The following AIRE variants were observed in gnomAD, a reference collection of about 807,000 sequenced individuals.
AIRE encodes the protein autoimmune regulator, also known as autoimmune polyendocrinopathy candidiasis ectodermal dystrophy protein.
Under a neutral mutation model 62.1 loss-of-function variants are expected in AIRE, and 52 were observed. The ratio of observed to expected loss-of-function variants is 0.84; its 90% CI spans 0.67 to 1.06. AIRE has a LOEUF of 1.06. Ranked by LOEUF, AIRE falls within the 50% of genes least tolerant of loss-of-function variation. The pLI is 0.00. For synonymous variants in AIRE, 342 were observed against 321.6 expected, an observed-to-expected ratio of 1.06 and a Z score of -0.68; for missense variants, 774 against 755.8, an observed-to-expected ratio of 1.02 and a Z score of -0.28.
At position 44,286,333 on chromosome 21, in the gene AIRE, A is replaced by G. The variant is rs1601964194; in HGVS notation, c.132+195A>G. 7.2e-6 allele frequency among the ~76,000 whole-genome samples: 1 copy of G among 138,002 alleles called. No individual in the cohort carries two copies. Among genetic ancestry groups the G allele is most frequent in the African/African-American group, 2.7e-5 (1 of 36,558 alleles). The allele number at this position is 138,002 out of a possible 152,430, so 90.5% of individuals were successfully genotyped here. A position where few individuals can be genotyped will look rare whatever the true frequency, so the allele number is the denominator to read the frequency against. On this transcript the variant is annotated intron_variant, in intron 1 of 13. Transcript: ENST00000291582. The surrounding 1 kb of genome is among the most constrained non-coding windows in gnomAD (Gnocchi z 6.0). ...GTCCCCTTCCCCCAGCCGTCCCCAC[A>G]CCTCACCCCCAAGCCAAGGGAATGG...
rs139973988 is a variant in AIRE, at chr21:44,297,083, C to A, written c.1567-573C>A. 2.6e-5 allele frequency among the ~76,000 whole-genome samples: 4 copies of A among 152,218 alleles called. No homozygotes were observed. The highest frequency in any genetic ancestry group is 7.2e-5 in the African/African-American group (3 of 41,468). On this transcript the variant is annotated intron_variant, in intron 13 of 13. Transcript: ENST00000291582. This position sits in a 1 kb window ranked among gnomAD's most constrained non-coding sequence, Gnocchi z 4.8. The stretch of plus-strand genomic sequence containing the variant: ...GTGGCCGTGCCCCACACACCCTGAC[C>A]GTGCAGGTGTCTGCAGAGCCCCAGG...
chr21:44,293,998 A>T (rs1601970100), intron 11 of AIRE, 88 bp downstream of exon 11: 1 of 1,299,746 alleles, frequency 7.7e-7, no homozygotes, highest in South Asian at 1.3e-5. Flanking sequence ...CATACAGCCC[A>T]CAACCACACC....
At position 44,297,322 on chromosome 21, in the gene AIRE, A is replaced by T. The variant is rs1391369228; in HGVS notation, c.1567-334A>T. 1.7e-5 allele frequency among the ~76,000 whole-genome samples: 2 copies of T among 120,944 alleles called. No individual in the cohort carries two copies. Among genetic ancestry groups the T allele is most frequent in the Non-Finnish European group, 3.3e-5 (2 of 60,340 alleles). The allele number at this position is 120,944 out of a possible 152,430, so 79.3% of individuals were successfully genotyped here. A position where few individuals can be genotyped will look rare whatever the true frequency, so the allele number is the denominator to read the frequency against. On this transcript the variant is annotated intron_variant, in intron 13 of 13. Transcript: ENST00000291582. The surrounding 1 kb of genome is among the most constrained non-coding windows in gnomAD (Gnocchi z 4.8). Reference sequence around the variant, plus strand: ...AGCTGGCCCCGACCCCCCCACCCTGAAGGAGCCACCCGAGGAGGCAGAACT... The same window carrying T: ...AGCTGGCCCCGACCCCCCCACCCTGTAGGAGCCACCCGAGGAGGCAGAACT...
rs748911992 is a variant in AIRE, at chr21:44,286,169, C to A, written c.132+31C>A. On this transcript the variant is annotated intron_variant, in intron 1 of 13. Coordinates refer to ENST00000291582, the MANE Select transcript of AIRE (RefSeq NM_000383.4). The surrounding 1 kb of genome is among the most constrained non-coding windows in gnomAD (Gnocchi z 6.0). ...CTCCCCGCCCGCCCCCCGCTGCCCC[C>A]AGGCCCTGTGAGCCAGGGATAGTCC... 661 of 1,535,636 alleles carry A rather than the reference C, an allele frequency of 4.3e-4. 2 individuals are homozygous for A. Among genetic ancestry groups the A allele is most frequent in the Non-Finnish European group, 5.3e-4 (608 of 1,139,488 alleles).
rs1222057991 is a variant in AIRE at position 44,286,151 on chromosome 21, C to T, written c.132+13C>T. On this transcript the variant is annotated intron_variant, in intron 1 of 13. Coordinates refer to ENST00000291582, the MANE Select transcript of AIRE (RefSeq NM_000383.4). The surrounding 1 kb of genome is among the most constrained non-coding windows in gnomAD (Gnocchi z 6.0). Reference sequence around the variant, plus strand: ...GGACAAGTTTCAGGTGGGCTCCCCGCCCGCCCCCCGCTGCCCCCAGGCCCT... The same window carrying T: ...GGACAAGTTTCAGGTGGGCTCCCCGTCCGCCCCCCGCTGCCCCCAGGCCCT... The T allele has an allele frequency of 2.0e-6, 3 of 1,537,576 alleles. No homozygotes were observed. The highest frequency in any genetic ancestry group is 2.6e-6 in the Non-Finnish European group (3 of 1,140,330).
rs552129156 is a variant in AIRE at position 44,293,000 on chromosome 21, C to T, written c.1103C>T (p.Pro368Leu). Residue 368 changes from proline (P) to leucine (L), a missense_variant, in exon 10 of 14, where the codon CCG (proline) becomes CTG (leucine). By Grantham distance (98) the Pro-to-Leu change is moderately conservative. Transcript: ENST00000291582. ...QEPPVETPLP[P>L]GLRSAGEEVR... ...CTGACCCTTGGGTTCCAGCTCCCCC[C>T]GGGGCTTAGGTCGGCGGGAGAGGAG... The T allele has an allele frequency of 4.0e-5, 65 of 1,612,334 alleles. No individual in the cohort carries two copies. Among genetic ancestry groups the T allele is most frequent in the Admixed American group, 2.2e-4 (13 of 59,998 alleles).
Position 44,293,233 on chromosome 21 carries a change from G to A in AIRE, c.1278+58G>A, listed in dbSNP as rs1056045618. 6.1e-5 allele frequency: 88 copies of A among 1,448,772 alleles called. 2 individuals are homozygous for A. The highest frequency in any genetic ancestry group is 3.2e-4 in the Admixed American group (13 of 40,948). 89.7% of individuals were successfully genotyped at this position (1,448,772 alleles called of 1,614,324 possible). A position where few individuals can be genotyped will look rare whatever the true frequency, so the allele number is the denominator to read the frequency against. On this transcript the variant is annotated intron_variant, in intron 10 of 13. Coordinates refer to ENST00000291582, the MANE Select transcript of AIRE (RefSeq NM_000383.4). ...TCAAGGAGCCCAGGACCTACGGGGC[G>A]GATGAATTCACCTGAAACAGGAGGA... is the stretch of plus-strand genomic sequence containing the variant.
chr21:44,296,267 A>G (rs2040605847), intron 12 of AIRE, 116 bp from the exon 13 acceptor site: 1 of 972,406 alleles, frequency 1.0e-6, no homozygotes, highest in Non-Finnish European at 1.7e-6. Flanking sequence ...GCTGGGTGTA[A>G]GAATTCCCAT....
chr21:44,286,577 A>G lies in AIRE; in HGVS notation c.153A>G (p.Glu51=), dbSNP rs749991784. 6.2e-7 allele frequency: 1 copy of G among 1,611,114 alleles called. No individual in the cohort carries two copies. The highest frequency in any genetic ancestry group is 1.1e-5 in the South Asian group (1 of 91,018). ...DKFQETLHLK[E]KEGCPQAFHA... ...TGCAGGAGACGCTTCATCTGAAGGAAAAGGAGGGCTGCCCCCAGGCCTTCC... is the reference window on the plus strand; with the variant it reads ...TGCAGGAGACGCTTCATCTGAAGGAGAAGGAGGGCTGCCCCCAGGCCTTCC... Residue 51 remains glutamate (E), a synonymous_variant, in exon 2 of 14, where the codon GAA becomes GAG. Transcript: ENST00000291582. The surrounding 1 kb of genome is among the most constrained non-coding windows in gnomAD (Gnocchi z 6.0).
chr21:44,286,713 C>A lies in AIRE; in HGVS notation c.289C>A (p.Leu97Met). The stretch of plus-strand genomic sequence containing the variant: ...GCGCTATGGCCGGCTGCAGCCCATC[C>A]TGGACAGCTTCCCCAAAGGTGGGTC... Reference protein sequence around the residue: ...LERYGRLQPILDSFPKDVDLS... With the variant: ...LERYGRLQPIMDSFPKDVDLS... The change falls in exon 2 of 14, where the codon CTG becomes ATG. Residue 97 changes from leucine (L) to methionine (M), a missense_variant. Around this residue, in one of 3 missense-constraint regions of AIRE, gnomAD observed 385 missense variants for 396.0 expected, o/e 0.97. Coordinates refer to ENST00000291582, the MANE Select transcript of AIRE (RefSeq NM_000383.4). The surrounding 1 kb of genome is among the most constrained non-coding windows in gnomAD (Gnocchi z 6.0). The A allele has an allele frequency of 6.2e-7, 1 of 1,612,990 alleles. No individual in the cohort carries two copies. Among genetic ancestry groups the A allele is most frequent in the Non-Finnish European group, 8.5e-7 (1 of 1,180,002 alleles).
Position 44,285,925 on chromosome 21 carries a change from G to C in AIRE, c.-82G>C. ...GGCGCGGAGGCCCCACAGCCCCGCC[G>C]GGACCCGAGGCCAAGCGAGGGGCTG... On this transcript the variant is annotated 5_prime_UTR_variant, in exon 1 of 14. Coordinates refer to ENST00000291582, the MANE Select transcript of AIRE (RefSeq NM_000383.4). 7.2e-7 allele frequency: 1 copy of C among 1,397,996 alleles called. No individual in the cohort carries two copies. Among genetic ancestry groups the C allele is most frequent in the East Asian group, 3.0e-5 (1 of 33,232 alleles). The allele number at this position is 1,397,996 out of a possible 1,614,324, so 86.6% of individuals were successfully genotyped here. A position where few individuals can be genotyped will look rare whatever the true frequency, so the allele number is the denominator to read the frequency against.
intron 13 of AIRE, among the ~76,000 whole-genome samples, chr21:44,296,845 C>G (rs996690455): frequency 6.6e-6 from 1 of 152,124 alleles, no homozygotes; most frequent in Non-Finnish European, 1.5e-5. Flanking sequence ...GGTCCCAGAC[C>G]CCGTCCCTCT....
intron 13 of AIRE, among the ~76,000 whole-genome samples, chr21:44,296,894 C>T (rs2040615523): frequency 6.6e-6 from 1 of 152,192 alleles, no homozygotes; most frequent in African/African-American, 2.4e-5. Context: ...CCTCTCTACG[C>T]TAAGATGGGC....
rs373849064 is a variant in AIRE, at chr21:44,295,246, T to C, written c.1503+743T>C. 1.1e-3 allele frequency among the ~76,000 whole-genome samples: 170 copies of C among 152,272 alleles called. 1 individual carries two copies. Among genetic ancestry groups the C allele is most frequent in the African/African-American group, 3.9e-3 (163 of 41,538 alleles). ...CTTTCCCAGCTGTGCCTCCGCCCCG[T>C]ATACACCGTGTGGGTGACAGGCCAC... is the stretch of plus-strand genomic sequence containing the variant. On this transcript the variant is annotated intron_variant, in intron 12 of 13. Transcript: ENST00000291582.
chr21:44,294,359 T>A, intron 11 of AIRE, 42 bp from the exon 12 acceptor site: 2 of 1,243,178 alleles, frequency 1.6e-6, no homozygotes, highest in Non-Finnish European at 2.2e-6. Flanking sequence ...GTGGCACTCC[T>A]GCTCCCCCCC....
chr21:44,287,716 C>A lies in AIRE; in HGVS notation c.538+125C>A, dbSNP rs1601965251. 1.9e-6 allele frequency: 2 copies of A among 1,034,650 alleles called. No homozygotes were observed. The highest frequency in any genetic ancestry group is 2.6e-5 in the East Asian group (1 of 37,884). The allele number at this position is 1,034,650 out of a possible 1,614,324, so 64.1% of individuals were successfully genotyped here. A position where few individuals can be genotyped will look rare whatever the true frequency, so the allele number is the denominator to read the frequency against. On this transcript the variant is annotated intron_variant, in intron 4 of 13. Transcript: ENST00000291582. This position sits in a 1 kb window ranked among gnomAD's most constrained non-coding sequence, Gnocchi z 4.3. Reference sequence around the variant, plus strand: ...CTGGGGACGTGCTGGCCTGGTGTGTCATTCCAAGGGCCTAAGCTGCACCAC... The same window carrying A: ...CTGGGGACGTGCTGGCCTGGTGTGTAATTCCAAGGGCCTAAGCTGCACCAC...
chr21:44,287,017 C>T lies in AIRE; in HGVS notation c.347C>T (p.Pro116Leu), dbSNP rs151049459. The stretch of plus-strand genomic sequence containing the variant: ...CAGCCCCGGAAGGGGAGGAAGCCCC[C>T]GGCCGTCCCCAAGGCTTTGGTACCG... ...LSQPRKGRKP[P>L]AVPKALVPPP... Residue 116 changes from proline (P) to leucine (L), a missense_variant, in exon 3 of 14, where the codon CCG becomes CTG. Transcript: ENST00000291582. The surrounding 1 kb of genome is among the most constrained non-coding windows in gnomAD (Gnocchi z 4.3). 4.7e-5 allele frequency: 76 copies of T among 1,612,686 alleles called. No homozygotes were observed. Among genetic ancestry groups the T allele is most frequent in the Non-Finnish European group, 5.3e-5 (63 of 1,179,998 alleles).
intron 8 of AIRE, 70 bp from the exon 9 acceptor site, chr21:44,292,232 C>T (rs2040548409): frequency 7.8e-7 from 1 of 1,274,384 alleles, no homozygotes; most frequent in Non-Finnish European, 1.1e-6. Context: ...TGGAGCTCCA[C>T]CCGTGGGTTT....
Position 44,286,625 on chromosome 21 carries a change from G to A in AIRE, c.201G>A (p.Leu67=), listed in dbSNP as rs1454996938. The A allele has an allele frequency of 6.2e-7, 1 of 1,612,932 alleles. No individual in the cohort carries two copies. Among genetic ancestry groups the A allele is most frequent in the East Asian group, 2.2e-5 (1 of 44,888 alleles). ...QAFHALLSWL[L]TQDSTAILDF... ...TCCACGCCCTCCTGTCCTGGCTGCT[G>A]ACCCAGGACTCCACAGCCATCCTGG... Residue 67 remains leucine (L), a synonymous_variant, in exon 2 of 14, where the codon CTG becomes CTA. Transcript: ENST00000291582. This position sits in a 1 kb window ranked among gnomAD's most constrained non-coding sequence, Gnocchi z 6.0.
Sources: gnomAD v4.1 joint callset for allele counts (sites outside exome capture counted in the v4.1 genomes callset) on GRCh38, gnomAD v4.1.1 for gene constraint, gnomAD v4.1.1 regional missense constraint, Gnocchi (gnomAD v3.1) non-coding constraint, MANE v1.5 for transcripts, NCBI Gene and HGNC (gene_info 2026-07-23, HGNC 2026-07-21) for gene names.